Variants in SIK3 observed in about 807,000 individuals in gnomAD.
SIK3 encodes serine/threonine-protein kinase SIK3.
In SIK3, 28 loss-of-function variants were observed where a neutral mutation model predicts 144.2. That is an observed-to-expected ratio of 0.19 (90% CI 0.14 to 0.27). The LOEUF (loss-of-function observed/expected upper bound fraction) is 0.27. Ranked by LOEUF, SIK3 falls within the 10% of genes least tolerant of loss-of-function variation. SIK3 has a pLI of 1.00. For synonymous variants in SIK3, 686 were observed against 676.3 expected (o/e 1.01, Z -0.22); for missense variants, 1,319 against 1,776.0 (o/e 0.74, Z 4.62).
At chr11:116,918,165 C>T (rs1416804953) in intron 4 of SIK3, among the ~76,000 whole-genome samples, 4 of 152,136 alleles carry the variant, frequency 2.6e-5, no homozygotes, top group Non-Finnish European at 5.9e-5. Context: ...TGATTAAATC[C>T]AGTGAATTAA....
chr11:116,930,693 T>G (rs1465258567), intron 3 of SIK3, among the ~76,000 whole-genome samples: 1 of 152,154 alleles, frequency 6.6e-6, no homozygotes, highest in Non-Finnish European at 1.5e-5. Flanking sequence ...TCCTAAATAC[T>G]GAGACACAAA....
intron 1 of SIK3, among the ~76,000 whole-genome samples, chr11:117,005,336 GAAAAAAAAAAAA>G (rs35279676): frequency 5.4e-5 from 3 of 55,978 alleles, no homozygotes; most frequent in South Asian, 1.0e-3. Context: ...CCCCGTCTCA[GAAAAAAAAAAAA>G]AAAAAAAAAA....
At chr11:117,072,303 G>A (rs937907047) in intron 1 of SIK3, among the ~76,000 whole-genome samples, 20 of 152,038 alleles carry the variant, frequency 1.3e-4, no homozygotes, top group East Asian at 7.7e-4. Context: ...TAGGAGAATC[G>A]CTTGAACCAG....
intron 4 of SIK3, among the ~76,000 whole-genome samples, chr11:116,925,941 G>T (rs1947252194): frequency 6.6e-6 from 1 of 152,336 alleles, no homozygotes; most frequent in Admixed American, 6.5e-5. Context: ...AAACAAAAGT[G>T]TAGCTGTCAG....
chr11:117,009,588 T>A (rs1179003056), intron 1 of SIK3, among the ~76,000 whole-genome samples: 3 of 151,704 alleles, frequency 2.0e-5, no homozygotes, highest in African/African-American at 4.8e-5. Flanking sequence ...AGAGAAACTC[T>A]GACGCAAAAG....
intron 15 of SIK3, chr11:116,864,910 G>A (rs1943550660): frequency 6.6e-6 from 1 of 152,224 alleles, no homozygotes; most frequent in Non-Finnish European, 1.5e-5. Flanking sequence ...ACCGTGCAGA[G>A]GTATCCAGAG....
At chr11:117,028,962 A>ACCAAGGCTGGATGGAGTG (rs141750997) in intron 1 of SIK3, among the ~76,000 whole-genome samples, 48,008 of 151,714 alleles carry the variant, frequency 0.32, 8,648 homozygotes, top group African/African-American at 0.5. Flanking sequence ...TTGCTTTGTC[A>ACCAAGGCTGGATGGAGTG]CAGTGGTGTG....
At chr11:117,064,461 A>G (rs1226324394) in intron 1 of SIK3, among the ~76,000 whole-genome samples, 1 of 152,326 alleles carries the variant, frequency 6.6e-6, no homozygotes, top group East Asian at 1.9e-4. Flanking sequence ...CATTCTTCCA[A>G]CTCATCTAAA....
intron 6 of SIK3, among the ~76,000 whole-genome samples, chr11:116,879,722 C>G (rs1226604622): frequency 6.6e-6 from 1 of 152,180 alleles, no homozygotes; most frequent in Non-Finnish European, 1.5e-5. Flanking sequence ...TTTGTTGTTG[C>G]TTTACAATTA....
intron 1 of SIK3, among the ~76,000 whole-genome samples, chr11:117,056,542 T>TATAGATATAGATATAG (rs1953535758): frequency 6.2e-5 from 1 of 16,180 alleles, no homozygotes; most frequent in Non-Finnish European, 1.1e-4. Flanking sequence ...TATAGATAGA[T>TATAGATATAGATATAG]ATAGATATAG....
chr11:116,897,096 T>C lies in SIK3; in HGVS notation c.741+97A>G, dbSNP rs143638106. 7.1e-6 allele frequency: 9 copies of C among 1,262,152 alleles called. No individual in the cohort carries two copies. The African/African-American group carries it at 7.7e-5, about 11-fold the overall frequency. 78.2% of individuals were successfully genotyped at this position (1,262,152 alleles called of 1,614,324 possible). ...AAAGAACAGGTGACCAGGATCTCAATTCATGTTGCATCATTATGTATCCTT... is the reference window on the plus strand; with the variant it reads ...AAAGAACAGGTGACCAGGATCTCAACTCATGTTGCATCATTATGTATCCTT... On this transcript the variant is annotated intron_variant, in intron 5 of 24. Transcript: ENST00000445177.
intron 1 of SIK3, among the ~76,000 whole-genome samples, chr11:116,986,446 T>C (rs1218909906): frequency 1.3e-5 from 2 of 152,206 alleles, no homozygotes; most frequent in Non-Finnish European, 2.9e-5. Flanking sequence ...TGAGTCTCTA[T>C]CCCATTTCCT....
rs148841130 is a variant in SIK3 at position 117,066,868 on chromosome 11, G to C, written c.273+31275C>G. On this transcript the variant is annotated intron_variant, in intron 1 of 24. Transcript: ENST00000445177. ...ATTTCTTTTAATGAGCAAAAGATCT[G>C]AACAAATGCTTCACCAAAGAAGATA... 5.7e-3 allele frequency among the ~76,000 whole-genome samples: 867 copies of C among 152,132 alleles called. 6 individuals are homozygous for C. Among genetic ancestry groups the C allele is most frequent in the African/African-American group, 0.019 (798 of 41,502 alleles).
chr11:116,877,977 A>C (rs138406489), intron 6 of SIK3, among the ~76,000 whole-genome samples: 1,547 of 152,332 alleles, frequency 0.01, 30 homozygotes, highest in African/African-American at 0.036. Context: ...AACCAGGCAC[A>C]GGGAGGTAAA....
At chr11:116,918,454 C>T (rs1355494263) in intron 4 of SIK3, among the ~76,000 whole-genome samples, 1 of 152,090 alleles carries the variant, frequency 6.6e-6, no homozygotes, top group Non-Finnish European at 1.5e-5. Context: ...GCTTCTCTCC[C>T]TTTTTCTATT....
At chr11:116,887,385 G>A (rs7106641) in intron 6 of SIK3, among the ~76,000 whole-genome samples, 92,811 of 151,860 alleles carry the variant, frequency 0.61, 31,386 homozygotes, top group Non-Finnish European at 0.78. Context: ...GGGAAGCCGA[G>A]GCGGGCAGAT....
intron 1 of SIK3, among the ~76,000 whole-genome samples, chr11:117,007,508 C>CT (rs1265901042): frequency 1.3e-5 from 2 of 152,232 alleles, no homozygotes; most frequent in Non-Finnish European, 2.9e-5. Flanking sequence ...CACCTGTACT[C>CT]ATGATAGAGG....
At chr11:116,954,684 T>G (rs1018983461) in intron 2 of SIK3, among the ~76,000 whole-genome samples, 1 of 152,212 alleles carries the variant, frequency 6.6e-6, no homozygotes, top group African/African-American at 2.4e-5. Flanking sequence ...TTTGTCTTGG[T>G]CCCTTTGTTG....
At position 116,846,540 on chromosome 11, in the gene SIK3, G is replaced by C. The variant is rs769732026; in HGVS notation, c.3966C>G (p.Ser1322Arg). 6.2e-7 allele frequency: 1 copy of C among 1,614,126 alleles called. No individual in the cohort carries two copies. The highest frequency in any genetic ancestry group is 1.3e-5 in the African/African-American group (1 of 75,044). Residue 1322 changes from serine to arginine, a missense_variant, in exon 24 of 25, where the codon AGC (serine) becomes AGG (arginine). Around this residue, in one of 8 missense-constraint regions of SIK3, gnomAD observed 646 missense variants for 763.7 expected, o/e 0.85. Transcript: ENST00000445177. The surrounding 1 kb of genome is among the most constrained non-coding windows in gnomAD (Gnocchi z 4.1). ...GGTCTGGGTGCTCATGACCTCCCAG[G>C]CTTGCCCCACATTCTGCAAGACCAA... is the stretch of plus-strand genomic sequence containing the variant. ...QDGENEECGA[S>R]LGGHEHPDLS...
Sources: allele counts gnomAD v4.1 joint callset (sites outside exome capture counted in the v4.1 genomes callset), GRCh38; gene constraint gnomAD v4.1.1; regional missense constraint gnomAD v4.1.1; non-coding constraint Gnocchi (gnomAD v3.1); transcripts MANE v1.5; gene names NCBI Gene and HGNC (gene_info 2026-07-23, HGNC 2026-07-21).